The following MED24 variants were observed in gnomAD, a reference collection of about 807,000 sequenced individuals.
The protein encoded by MED24 is mediator of RNA polymerase II transcription subunit 24.
Under a neutral mutation model 118.8 loss-of-function variants are expected in MED24, and 74 were observed. The ratio of observed to expected loss-of-function variants is 0.62; its 90% CI spans 0.52 to 0.76. MED24 has a LOEUF of 0.76. Ranked by LOEUF, MED24 falls within the 30% of genes least tolerant of loss-of-function variation. The pLI, the probability that MED24 is intolerant of heterozygous loss-of-function variation, is 0.00. For missense variants in MED24, 1,041 were observed against 1,278.9 expected (o/e 0.81, Z 2.84); for synonymous variants, 521 against 523.9 (o/e 0.99, Z 0.08).
At chr17:40,053,277 G>C (rs987912003) in intron 3 of MED24, 21 bp downstream of exon 3, 8 of 1,579,010 alleles carry the variant, frequency 5.1e-6, no homozygotes, top group East Asian at 2.2e-5. Flanking sequence ...ACTTCTTGGT[G>C]GGGGTTTGCG....
chr17:40,049,854 G>A (rs1985630811), intron 3 of MED24, among the ~76,000 whole-genome samples: 1 of 151,398 alleles, frequency 6.6e-6, no homozygotes, highest in East Asian at 2.0e-4. Context: ...TGGTGTAAAA[G>A]AGATACACAT....
chr17:40,044,933 T>C (rs1445008741), intron 3 of MED24, among the ~76,000 whole-genome samples: 5 of 151,796 alleles, frequency 3.3e-5, no homozygotes, highest in African/African-American at 1.2e-4. Flanking sequence ...GGAAATACTG[T>C]CAGACATTAC....
intron 14 of MED24, 39 bp from the exon 15 acceptor site, chr17:40,027,985 G>GAGCTGAGCAGT: frequency 1.2e-6 from 2 of 1,606,686 alleles, no homozygotes; most frequent in Non-Finnish European, 1.7e-6. Flanking sequence ...ACCAGGGCAT[G>GAGCTGAGCAGT]AGCTGAGCAG....
Position 40,035,248 on chromosome 17 carries a change from C to A in MED24, c.428G>T (p.Arg143Leu), listed in dbSNP as rs760004163. Residue 143 changes from arginine (R) to leucine (L), a missense_variant, in exon 6 of 26, where the codon CGG becomes CTG. By Grantham distance (102) the Arg-to-Leu change is moderately radical (BLOSUM62 -2). This residue lies in a region of MED24 where 434 missense variants were observed against 514.9 expected (regional missense o/e 0.84). Coordinates refer to ENST00000394128, the MANE Select transcript of MED24 (RefSeq NM_014815.4). ...TGGAGTGCCGGCCTCCAGCCCCTCC[C>A]GCAGCCGCTCTGCAGAGGCTGCCGT... ...RCTAASAERL[R>L]EGLEAGTPAA... 7 of 1,613,842 alleles carry A rather than the reference C, an allele frequency of 4.3e-6. No individual in the cohort carries two copies. The highest frequency in any genetic ancestry group is 5.9e-6 in the Non-Finnish European group (7 of 1,180,008).
At position 40,020,344 on chromosome 17, in the gene MED24, G is replaced by A. The variant is rs749506454; in HGVS notation, c.2633C>T (p.Ser878Phe). Residue 878 changes from serine (S) to phenylalanine (F), a missense_variant, in exon 24 of 26, where the codon TCC becomes TTC. This residue lies in a region of MED24 where 587 missense variants were observed against 694.4 expected (regional missense o/e 0.85). Coordinates refer to ENST00000394128, the MANE Select transcript of MED24 (RefSeq NM_014815.4). ...ANILSSPTDR[S>F]MSSSLSASQL... Reference sequence around the variant, plus strand: ...AGAGGCTGAGAGGGAGCTGCTCATGGATCGGTCTGCTGTGGGACGGAGCAG... The same window carrying A: ...AGAGGCTGAGAGGGAGCTGCTCATGAATCGGTCTGCTGTGGGACGGAGCAG... 1.3e-6 allele frequency: 2 copies of A among 1,598,072 alleles called. No individual in the cohort carries two copies. The highest frequency in any genetic ancestry group is 1.1e-5 in the South Asian group (1 of 88,050).
chr17:40,033,285 T>C lies in MED24; in HGVS notation c.671+60A>G. On this transcript the variant is annotated intron_variant, in intron 7 of 25. Coordinates refer to ENST00000394128, the MANE Select transcript of MED24 (RefSeq NM_014815.4). This position sits in a 1 kb window ranked among gnomAD's most constrained non-coding sequence, Gnocchi z 5.2. ...GAGAGGATGGCACGGGTGCCACATC[T>C]TCCTACCCCAGGGCGTGTCCTCCCT... 6.2e-7 allele frequency: 1 copy of C among 1,611,778 alleles called. No homozygotes were observed. The highest frequency in any genetic ancestry group is 8.5e-7 in the Non-Finnish European group (1 of 1,179,270).
At chr17:40,034,770 C>G (rs544698620) in intron 6 of MED24, 1 of 588,740 alleles carries the variant, frequency 1.7e-6, no homozygotes, top group Non-Finnish European at 3.0e-6. Context: ...GTTTTTTCCT[C>G]GTCTGTGATG....
chr17:40,043,735 C>T (rs1269419665), intron 3 of MED24, among the ~76,000 whole-genome samples: 1 of 151,162 alleles, frequency 6.6e-6, no homozygotes, highest in East Asian at 1.9e-4. Context: ...ACTAAAAATA[C>T]AAAAAATTAG....
intron 19 of MED24, among the ~76,000 whole-genome samples, chr17:40,024,711 T>C (rs967666409): frequency 2.6e-5 from 4 of 152,174 alleles, no homozygotes; most frequent in East Asian, 3.9e-4. Flanking sequence ...AGATGTGGTA[T>C]AGCCACACAA....
In MED24 at chr17:40,033,199, T is replaced by TG. The variant is rs1381339049; in HGVS notation, c.678dup (p.Thr227HisfsTer69). On this transcript the variant is annotated frameshift_variant, in exon 8 of 26. Coordinates refer to ENST00000394128, the MANE Select transcript of MED24 (RefSeq NM_014815.4). LOFTEE classifies it high-confidence loss of function. The surrounding 1 kb of genome is among the most constrained non-coding windows in gnomAD (Gnocchi z 5.2). ...TGCTCCGCATGCACAGACAGCATCG[T>TG]GGGGATGCTGAGGGGTCACAAACAC... The TG allele has an allele frequency of 6.2e-7, 1 of 1,613,876 alleles. No homozygotes were observed.
rs372694934 is a variant in MED24, at chr17:40,022,274, A to C, written c.2523+120T>G. The C allele has an allele frequency of 1.6e-4, 177 of 1,124,390 alleles. No homozygotes were observed. The African/African-American group carries it at 2.6e-3, about 16-fold the overall frequency. 69.7% of individuals were successfully genotyped at this position (1,124,390 alleles called of 1,614,324 possible). Reference sequence around the variant, plus strand: ...TGCAGATTCCTGACCAATCATGCCCAGGCACAGCTGCCCCAAGGGCAGGGG... The same window carrying C: ...TGCAGATTCCTGACCAATCATGCCCCGGCACAGCTGCCCCAAGGGCAGGGG... On this transcript the variant is annotated intron_variant, in intron 22 of 25. Coordinates refer to ENST00000394128, the MANE Select transcript of MED24 (RefSeq NM_014815.4).
At chr17:40,027,507 G>A (rs112943715) in intron 15 of MED24, 42 bp from the exon 16 acceptor site, 5 of 1,564,052 alleles carry the variant, frequency 3.2e-6, no homozygotes, top group South Asian at 2.3e-5. Context: ...ACGAGGGCAG[G>A]GGGGAGCCCG....
At chr17:40,041,169 C>T (rs779717005) in intron 3 of MED24, among the ~76,000 whole-genome samples, 32 of 152,180 alleles carry the variant, frequency 2.1e-4, no homozygotes, top group Non-Finnish European at 3.8e-4. Context: ...CATTGACAAA[C>T]TCTTCATGTT....
At position 40,029,773 on chromosome 17, in the gene MED24, T is replaced by G; in HGVS notation, c.1241A>C (p.Glu414Ala). The G allele has an allele frequency of 6.2e-7, 1 of 1,614,174 alleles. No homozygotes were observed. Among genetic ancestry groups the G allele is most frequent in the Non-Finnish European group, 8.5e-7 (1 of 1,180,004 alleles). Residue 414 changes from glutamate to alanine, a missense_variant, in exon 13 of 26, where the codon GAG (glutamate) becomes GCG (alanine). Transcript: ENST00000394128. The stretch of plus-strand genomic sequence containing the variant: ...CTTGAGGATGTTTGTGACAGTGGGC[T>G]CCGCCCGGAGGATCAGCTGGATGTT... ...QPNIQLILRA[E>A]PTVTNILKTM...
chr17:40,034,540 C>T (rs1983729489), intron 6 of MED24, among the ~76,000 whole-genome samples: 1 of 152,172 alleles, frequency 6.6e-6, no homozygotes, highest in South Asian at 2.1e-4. Context: ...TCTTCCCTCC[C>T]GCCAGGTGAT....
chr17:40,028,378 T>A (rs1471061221), intron 14 of MED24, among the ~76,000 whole-genome samples: 9 of 152,134 alleles, frequency 5.9e-5, no homozygotes, highest in African/African-American at 1.9e-4. Flanking sequence ...CCTCCCTAAG[T>A]GCTAGGATTA....
At chr17:40,051,578 C>T (rs1985849574) in intron 3 of MED24, among the ~76,000 whole-genome samples, 1 of 151,708 alleles carries the variant, frequency 6.6e-6, no homozygotes, top group African/African-American at 2.4e-5. Context: ...CACGCCACTG[C>T]ACTCTAGCCT....
chr17:40,025,306 T>C (rs1271785911), intron 19 of MED24, among the ~76,000 whole-genome samples: 1 of 152,072 alleles, frequency 6.6e-6, no homozygotes, highest in Non-Finnish European at 1.5e-5. Context: ...TGAGACCCTG[T>C]CTCTACAAAG....
chr17:40,019,461 A>G lies in MED24; in HGVS notation c.*68T>C. The G allele has an allele frequency of 7.4e-7, 1 of 1,343,356 alleles. No homozygotes were observed. The highest frequency in any genetic ancestry group is 1.2e-5 in the South Asian group (1 of 82,890). The allele number at this position is 1,343,356 out of a possible 1,614,324, so 83.2% of individuals were successfully genotyped here. ...GAGGCACGATGCCTCATCTTTCCTC[A>G]CTGCTTCCCTTGGAGGCGCCTGGGG... On this transcript the variant is annotated 3_prime_UTR_variant, in exon 26 of 26. Coordinates refer to ENST00000394128, the MANE Select transcript of MED24 (RefSeq NM_014815.4).
Sources: gnomAD v4.1 joint callset for allele counts (sites outside exome capture counted in the v4.1 genomes callset) on GRCh38, gnomAD v4.1.1 for gene constraint, gnomAD v4.1.1 regional missense constraint, Gnocchi (gnomAD v3.1) non-coding constraint, MANE v1.5 for transcripts, NCBI Gene and HGNC (gene_info 2026-07-23, HGNC 2026-07-21) for gene names.